The following GOLGA8N variants were observed in gnomAD, a reference collection of about 807,000 sequenced individuals.
The protein encoded by GOLGA8N is golgin A8 family member N.
In GOLGA8N, 2 loss-of-function variants were observed where a neutral mutation model predicts 22.0. That is an observed-to-expected ratio of 0.09 (90% CI 0.04 to 0.29). GOLGA8N has a LOEUF of 0.29. Ranked by LOEUF, GOLGA8N falls within the 10% of genes least tolerant of loss-of-function variation. The probability of loss-of-function intolerance (pLI) is 1.00; values close to 1 mark genes in which losing one functional copy is unlikely to be tolerated. For missense variants in GOLGA8N, 10 were observed against 164.7 expected (o/e 0.06, Z 5.14); for synonymous variants, 2 against 58.7 (o/e 0.03, Z 4.41).
At position 32,598,028 on chromosome 15, in the gene GOLGA8N, G is replaced by C. The variant is rs751764550; in HGVS notation, c.482-40G>C. The C allele has an allele frequency of 2.6e-5, 31 of 1,171,332 alleles. No homozygotes were observed. The African/African-American group carries it at 4.1e-4, about 16-fold the overall frequency. 72.6% of individuals were successfully genotyped at this position (1,171,332 alleles called of 1,614,324 possible). The stretch of plus-strand genomic sequence containing the variant: ...ACCTGGCACTTTGACAGGTCTTCAG[G>C]GGGAGTCCTTTGGGCCCCATCTCAA... On this transcript the variant is annotated intron_variant, in intron 7 of 18. Transcript: ENST00000448387.
chr15:32,605,333 T>G lies in GOLGA8N; in HGVS notation c.*1355T>G, dbSNP rs1468811190. The G allele has an allele frequency of 2.7e-5, 4 of 145,982 alleles. No individual in the cohort carries two copies. In the East Asian group the frequency reaches 8.3e-4, roughly 30 times the overall value. The allele number at this position is 145,982 out of a possible 1,614,324, so 9.0% of individuals were successfully genotyped here. On this transcript the variant is annotated 3_prime_UTR_variant, in exon 19 of 19. Transcript: ENST00000448387. ...ACTATCTTTGAAAATCAAGGAGAAG[T>G]TTATGAAACTTAAAATGTGTACAAA...
At chr15:32,597,555 C>G (rs1595744210) in intron 5 of GOLGA8N, 66 bp downstream of exon 5, 1 of 1,590,604 alleles carries the variant, frequency 6.3e-7, no homozygotes, top group Non-Finnish European at 8.5e-7. Context: ...CATAGAGGCC[C>G]CAGTCTCGTC....
exon 19 of GOLGA8N, chr15:32,605,428 A>AG (rs2052921844): frequency 6.8e-6 from 1 of 147,606 alleles, no homozygotes; most frequent in Non-Finnish European, 1.5e-5. Flanking sequence ...ACAACCACAG[A>AG]GTTATATTTT....
chr15:32,598,455 C>T lies in GOLGA8N; in HGVS notation c.591+278C>T, dbSNP rs1481323217. ...CTGTGGTCTTGGGCAAGTCCTAGTCCTAGGTGGGGTATTGGGTACTTGTAC... is the reference window on the plus strand; with the variant it reads ...CTGTGGTCTTGGGCAAGTCCTAGTCTTAGGTGGGGTATTGGGTACTTGTAC... On this transcript the variant is annotated intron_variant, in intron 8 of 18. Transcript: ENST00000448387. Among the ~76,000 whole-genome samples, 4 of 54,150 alleles carry T rather than the reference C, an allele frequency of 7.4e-5. 2 individuals are homozygous for T. Among genetic ancestry groups the T allele is most frequent in the Admixed American group, 4.2e-4 (2 of 4,746 alleles). 35.5% of individuals were successfully genotyped at this position (54,150 alleles called of 152,430 possible).
At chr15:32,594,902 T>TCA (rs1048381455) in intron 1 of GOLGA8N, 2 of 68,056 alleles carry the variant, frequency 2.9e-5, no homozygotes, top group African/African-American at 1.3e-4. Flanking sequence ...GTGCACTTCT[T>TCA]CACACTAACA....
exon 19 of GOLGA8N, chr15:32,607,062 G>C (rs575681437): frequency 6.6e-6 from 1 of 151,840 alleles, no homozygotes; most frequent in East Asian, 1.9e-4. Context: ...ATTGTAAACA[G>C]AATGTGTCAT....
chr15:32,595,777 CAAA>C (rs1186195961), intron 2 of GOLGA8N, among the ~76,000 whole-genome samples: 5 of 50,534 alleles, frequency 9.9e-5, no homozygotes, highest in South Asian at 6.3e-4. Flanking sequence ...GACTCTGTCT[CAAA>C]AAAAAAAAAA....
chr15:32,598,051 C>T lies in GOLGA8N; in HGVS notation c.482-17C>T, dbSNP rs951222168. The T allele has an allele frequency of 7.7e-7, 1 of 1,299,210 alleles. No homozygotes were observed. The highest frequency in any genetic ancestry group is 1.0e-6 in the Non-Finnish European group (1 of 964,392). The allele number at this position is 1,299,210 out of a possible 1,614,324, so 80.5% of individuals were successfully genotyped here. A position where few individuals can be genotyped will look rare whatever the true frequency, so the allele number is the denominator to read the frequency against. On this transcript the variant is annotated splice_polypyrimidine_tract_variant and intron_variant, in intron 7 of 18. Transcript: ENST00000448387. ...AGGGGGAGTCCTTTGGGCCCCATCTCAACTCTCTCATTACAGAAGAGTCCA... is the reference window on the plus strand; with the variant it reads ...AGGGGGAGTCCTTTGGGCCCCATCTTAACTCTCTCATTACAGAAGAGTCCA...
Position 32,606,366 on chromosome 15 carries a change from A to G in GOLGA8N, c.*2388A>G, listed in dbSNP as rs1249539018. The stretch of plus-strand genomic sequence containing the variant: ...TCACACACTGGCATATTTAAGCTGA[A>G]GGTCAGTCTGGAAAATAAATTTACT... On this transcript the variant is annotated 3_prime_UTR_variant, in exon 19 of 19. Transcript: ENST00000448387. The G allele has an allele frequency of 8.1e-5, 10 of 123,396 alleles. No individual in the cohort carries two copies. In the East Asian group the frequency reaches 1.6e-3, roughly 20 times the overall value. 7.6% of individuals were successfully genotyped at this position (123,396 alleles called of 1,614,324 possible).
chr15:32,605,330 A>T (rs1348826171), exon 19 of GOLGA8N: 1 of 146,734 alleles, frequency 6.8e-6, no homozygotes, highest in Non-Finnish European at 1.5e-5. Context: ...AATCAAGGAG[A>T]AGTTTATGAA....
At chr15:32,595,869 T>G (rs141044820) in intron 2 of GOLGA8N, among the ~76,000 whole-genome samples, 13,601 of 129,546 alleles carry the variant, frequency 0.1, 10 homozygotes, top group Non-Finnish European at 0.14. Flanking sequence ...TTGACCTCAT[T>G]GGGCCTCTCT....
At chr15:32,606,681 CTATT>C (rs1212188608) in exon 19 of GOLGA8N, 6 of 148,042 alleles carry the variant, frequency 4.1e-5, no homozygotes, top group Non-Finnish European at 5.9e-5. Flanking sequence ...ATCAAAACAC[CTATT>C]TAAAGATGGC....
chr15:32,605,609 T>C (rs2052923779), exon 19 of GOLGA8N: 1 of 131,256 alleles, frequency 7.6e-6, no homozygotes, highest in African/African-American at 2.8e-5. Flanking sequence ...ACTCAACAGT[T>C]AAAACTTCAT....
intron 2 of GOLGA8N, among the ~76,000 whole-genome samples, chr15:32,595,777 CAAAA>C (rs1186195961): frequency 4.0e-5 from 2 of 50,550 alleles, no homozygotes; most frequent in Non-Finnish European, 3.6e-5. Flanking sequence ...GACTCTGTCT[CAAAA>C]AAAAAAAAAA....
exon 19 of GOLGA8N, chr15:32,605,830 GAA>G (rs1475900731): frequency 9.4e-6 from 1 of 106,908 alleles, no homozygotes; most frequent in African/African-American, 3.4e-5. Context: ...GGCATTCACT[GAA>G]AGAGTGCAAA....
chr15:32,607,145 T>G (rs1477426553), exon 19 of GOLGA8N: 2 of 152,340 alleles, frequency 1.3e-5, no homozygotes, highest in Non-Finnish European at 2.9e-5. Context: ...ATGTAATAAA[T>G]TATTAAATTG....
At chr15:32,597,652 TG>T in intron 5 of GOLGA8N, 99 bp from the exon 6 acceptor site, 2 of 899,254 alleles carry the variant, frequency 2.2e-6, no homozygotes, top group Non-Finnish European at 3.6e-6. Flanking sequence ...GTCCCATGGG[TG>T]GGCCTGTCCT....
intron 8 of GOLGA8N, among the ~76,000 whole-genome samples, chr15:32,598,764 C>T (rs4042402): frequency 0.091 from 4,090 of 44,944 alleles, 1,570 homozygotes; most frequent in Non-Finnish European, 0.11. Context: ...GCAAGAAAAA[C>T]GGGCTTAGAG....
At chr15:32,605,350 G>A (rs1213352121) in exon 19 of GOLGA8N, 2 of 140,242 alleles carry the variant, frequency 1.4e-5, no homozygotes, top group Non-Finnish European at 3.1e-5. Flanking sequence ...AACTTAAAAT[G>A]TGTACAAACT....
Sources: gnomAD v4.1 joint callset for allele counts (sites outside exome capture counted in the v4.1 genomes callset) on GRCh38, gnomAD v4.1.1 for gene constraint, MANE v1.5 for transcripts, NCBI Gene and HGNC (gene_info 2026-07-23, HGNC 2026-07-21) for gene names.